FBXO9: variants seen among roughly 807,000 people sequenced by gnomAD.
FBXO9 encodes the protein F-box only protein 9.
In FBXO9, 43 loss-of-function variants were observed where a neutral mutation model predicts 63.7. That is an observed-to-expected ratio of 0.67 (90% confidence interval 0.53 to 0.87). The LOEUF is 0.87. FBXO9 is among the 40% of genes least tolerant of loss of function. The pLI is 0.00. For missense variants in FBXO9, 442 were observed against 533.2 expected, an observed-to-expected ratio of 0.83 and a Z score of 1.68; for synonymous variants, 156 against 171.7, an observed-to-expected ratio of 0.91 and a Z score of 0.72.
At chr6:53,097,531 TGTG>T (rs558254666) in intron 12 of FBXO9, among the ~76,000 whole-genome samples, 188 bp from the exon 13 acceptor site, 289 of 152,282 alleles carry the variant, frequency 1.9e-3, no homozygotes, top group African/African-American at 6.5e-3. Context: ...GTGTTGGAAT[TGTG>T]GTGATGTTTC....
chr6:53,081,279 T>C (rs1187065102), intron 6 of FBXO9, among the ~76,000 whole-genome samples, 181 bp downstream of exon 6: 2 of 152,196 alleles, frequency 1.3e-5, no homozygotes, highest in Non-Finnish European at 2.9e-5. Context: ...TTTTGTCTTG[T>C]TTTGTTTTTT....
chr6:53,078,611 G>A (rs923237113), intron 4 of FBXO9, among the ~76,000 whole-genome samples, 188 bp from the exon 5 acceptor site: 3 of 152,194 alleles, frequency 2.0e-5, no homozygotes, highest in Non-Finnish European at 4.4e-5. Context: ...TTAAGTTTAG[G>A]GAAAAGTTTC....
In FBXO9 at chr6:53,082,574, G is replaced by A; in HGVS notation, c.609G>A (p.Leu203=). The A allele has an allele frequency of 6.2e-7, 1 of 1,613,770 alleles. No homozygotes were observed. The highest frequency in any genetic ancestry group is 1.6e-4 in the Middle Eastern group (1 of 6,062). ...CTAGTGACTTGGACCTCAGATCATTGGAGCAGTTGTCGCTGGTGTGCAGAG... is the reference window on the plus strand; with the variant it reads ...CTAGTGACTTGGACCTCAGATCATTAGAGCAGTTGTCGCTGGTGTGCAGAG... ...VVSSDLDLRS[L]EQLSLVCRGF... The change falls in exon 7 of 13, where the codon TTG becomes TTA. Residue 203 remains leucine, a synonymous_variant. Transcript: ENST00000323557.
At chr6:53,093,141 C>T (rs147555602) in intron 9 of FBXO9, 114 of 382,640 alleles carry the variant, frequency 3.0e-4, no homozygotes, top group African/African-American at 1.9e-3. Context: ...ACATGTTAAC[C>T]GTTGTGTGTG....
At chr6:53,079,022 T>G (rs910681806) in intron 5 of FBXO9, 124 bp downstream of exon 5, 1 of 511,388 alleles carries the variant, frequency 2.0e-6, no homozygotes, top group African/African-American at 2.2e-5. Context: ...TATCTTTGTT[T>G]ATAAAGTTGT....
Position 53,081,013 on chromosome 6 carries a change from C to T in FBXO9, c.453C>T (p.Ser151=). 2 of 1,613,714 alleles carry T rather than the reference C, an allele frequency of 1.2e-6. No individual in the cohort carries two copies. Among genetic ancestry groups the T allele is most frequent in the East Asian group, 2.2e-5 (1 of 44,876 alleles). The change falls in exon 6 of 13, where the codon TCC becomes TCT. Residue 151 remains serine (S), a synonymous_variant. Coordinates refer to ENST00000323557, the MANE Select transcript of FBXO9 (RefSeq NM_033480.3). The stretch of plus-strand genomic sequence containing the variant: ...ACAGCAAAATGGCAGATCTCTTGTC[C>T]TACTTCCAGCAGCAACTCACATTTC... The part of the protein sequence containing the change: ...DDDSKMADLL[S]YFQQQLTFQE...
At chr6:53,070,856 A>G (rs1049870087) in intron 1 of FBXO9, 1 of 754,214 alleles carries the variant, frequency 1.3e-6, no homozygotes, top group East Asian at 2.8e-5. Flanking sequence ...TGGAGTAGAG[A>G]ATATGCTTTT....
chr6:53,092,316 G>C (rs140107411), intron 7 of FBXO9, 113 bp from the exon 8 acceptor site: 4 of 731,632 alleles, frequency 5.5e-6, no homozygotes, highest in Non-Finnish European at 9.4e-6. Context: ...TCAGAACAGT[G>C]CCTCCCAGGT....
chr6:53,075,733 A>AC (rs1562065220), intron 3 of FBXO9, among the ~76,000 whole-genome samples: 1 of 51,390 alleles, frequency 1.9e-5, no homozygotes, highest in Non-Finnish European at 3.4e-5. Context: ...ATATATATAT[A>AC]ATTATTTTTT....
At chr6:53,095,714 C>T (rs749971852) in intron 12 of FBXO9, 50 bp downstream of exon 12, 128 of 1,461,608 alleles carry the variant, frequency 8.8e-5, no homozygotes, top group Non-Finnish European at 1.1e-4. Flanking sequence ...ATGTATACTT[C>T]GTATCCAGCT....
intron 7 of FBXO9, 51 bp from the exon 8 acceptor site, chr6:53,092,378 G>A: frequency 7.7e-7 from 1 of 1,305,514 alleles, no homozygotes; most frequent in South Asian, 1.2e-5. Flanking sequence ...AAATATTTAT[G>A]TCTATGTATA....
rs768609261 is a variant in FBXO9 at position 53,095,655 on chromosome 6, T to A, written c.1196T>A (p.Ile399Asn). ...KLIWIHHSCH[I>N]TYKSTGETAV... is the part of the protein sequence containing the mutation. ...ATCTGGATACATCATTCTTGTCACA[T>A]TACTTACAAGTAGGTGAATGCAATA... Residue 399 changes from isoleucine to asparagine, a missense_variant, in exon 12 of 13, where the codon ATT (isoleucine) becomes AAT (asparagine). Transcript: ENST00000323557. 1 of 1,609,520 alleles carries A rather than the reference T, an allele frequency of 6.2e-7. No individual in the cohort carries two copies. Among genetic ancestry groups the A allele is most frequent in the Non-Finnish European group, 8.5e-7 (1 of 1,178,284 alleles).
At chr6:53,079,955 A>G (rs995267379) in intron 5 of FBXO9, among the ~76,000 whole-genome samples, 1 of 152,178 alleles carries the variant, frequency 6.6e-6, no homozygotes, top group Non-Finnish European at 1.5e-5. Flanking sequence ...GGTAGTTCAT[A>G]CTTAAAATGA....
intron 7 of FBXO9, among the ~76,000 whole-genome samples, chr6:53,090,105 T>C (rs1304071416): frequency 2.0e-5 from 3 of 152,222 alleles, no homozygotes; most frequent in Non-Finnish European, 2.9e-5. Context: ...TATCCTTGGC[T>C]ACAAAGATCA....
intron 1 of FBXO9, chr6:53,066,277 T>A: frequency 3.0e-6 from 1 of 333,932 alleles, no homozygotes; most frequent in Non-Finnish European, 4.3e-6. Context: ...GCCCTGGGTG[T>A]AGGACGCATC....
In FBXO9 at chr6:53,097,729, G is replaced by T; in HGVS notation, c.1213G>T (p.Gly405Cys). ...HSCHITYKST[G>C]ETAVSAFEID... The stretch of plus-strand genomic sequence containing the variant: ...TGTGCTTTTTTTTTACAGATCAACT[G>T]GTGAGACTGCAGTCAGTGCTTTTGA... The change falls in exon 13 of 13, where the codon GGT (glycine) becomes TGT (cysteine). Residue 405 changes from glycine (G) to cysteine (C), a missense_variant. Around this residue, in one of 2 missense-constraint regions of FBXO9, gnomAD observed 262 missense variants for 362.1 expected, o/e 0.72. Coordinates refer to ENST00000323557, the MANE Select transcript of FBXO9 (RefSeq NM_033480.3). 2 of 1,591,566 alleles carry T rather than the reference G, an allele frequency of 1.3e-6. No homozygotes were observed. Among genetic ancestry groups the T allele is most frequent in the Non-Finnish European group, 1.7e-6 (2 of 1,166,476 alleles).
intron 9 of FBXO9, 100 bp from the exon 10 acceptor site, chr6:53,093,366 G>C (rs993737692): frequency 2.9e-6 from 2 of 688,758 alleles, no homozygotes; most frequent in Non-Finnish European, 4.8e-6. Flanking sequence ...TTTCAGTGTT[G>C]GTTTCATAGC....
rs1468556613 is a variant in FBXO9 at position 53,100,288 on chromosome 6, T to C, written c.*2458T>C. ...AAACTTTTTAACTTCAGGAGTGTCC[T>C]TCCTTTGCTCTATTAGGACATTACA... On this transcript the variant is annotated 3_prime_UTR_variant, in exon 13 of 13. Transcript: ENST00000323557. 1.1e-4 allele frequency: 16 copies of C among 152,306 alleles called. No individual in the cohort carries two copies. The highest frequency in any genetic ancestry group is 5.9e-5 in the Non-Finnish European group (4 of 68,022). 9.4% of individuals were successfully genotyped at this position (152,306 alleles called of 1,614,324 possible).
intron 1 of FBXO9, among the ~76,000 whole-genome samples, chr6:53,066,429 T>C (rs929211690): frequency 3.9e-5 from 6 of 152,254 alleles, no homozygotes; most frequent in African/African-American, 1.4e-4. Flanking sequence ...GCAGATTCCA[T>C]GAGACTGTTC....
Sources: allele counts gnomAD v4.1 joint callset (sites outside exome capture counted in the v4.1 genomes callset), GRCh38; gene constraint gnomAD v4.1.1; regional missense constraint gnomAD v4.1.1; transcripts MANE v1.5; gene names NCBI Gene and HGNC (gene_info 2026-07-23, HGNC 2026-07-21).